The following HOXC13 variants were observed in gnomAD, a reference collection of about 807,000 sequenced individuals.
The protein encoded by HOXC13 is homeobox protein Hox-C13.
Under a neutral mutation model 25.9 loss-of-function variants are expected in HOXC13, and 10 were observed. That is an observed-to-expected ratio of 0.39 (90% CI 0.24 to 0.65). The LOEUF (loss-of-function observed/expected upper bound fraction) is 0.65. Ranked by LOEUF, HOXC13 falls within the 30% of genes least tolerant of loss-of-function variation. The pLI, the probability that HOXC13 is intolerant of heterozygous loss-of-function variation, is 0.50. For missense variants in HOXC13, 439 were observed against 478.3 expected (o/e 0.92, Z 0.77); for synonymous variants, 233 against 217.1 (o/e 1.07, Z -0.64).
rs746046390 is a variant in HOXC13, at chr12:53,939,374, G to A, written c.468G>A (p.Pro156=). 6.2e-7 allele frequency: 1 copy of A among 1,606,314 alleles called. No individual in the cohort carries two copies. The highest frequency in any genetic ancestry group is 8.5e-7 in the Non-Finnish European group (1 of 1,177,878). ...ACCCGGGCGATAAATACCCGGAGCC[G>A]TCGGGCGCCCTGCCCGGTGACGACC... ...AYHPGDKYPE[P]SGALPGDDLS... Residue 156 remains proline, a synonymous_variant, in exon 1 of 2, where the codon CCG becomes CCA. Transcript: ENST00000243056. This position sits in a 1 kb window ranked among gnomAD's most constrained non-coding sequence, Gnocchi z 6.7.
chr12:53,940,640 C>A lies in HOXC13; in HGVS notation c.736+998C>A, dbSNP rs555511843. ...AGTCCCAGGTTTCCCAAAACCACAC[C>A]AAGAGCTTTGGATCCTGCCTTGTGC... On this transcript the variant is annotated intron_variant, in intron 1 of 1. Coordinates refer to ENST00000243056, the MANE Select transcript of HOXC13 (RefSeq NM_017410.3). Among the ~76,000 whole-genome samples, 17 of 152,330 alleles carry A rather than the reference C, an allele frequency of 1.1e-4. No individual in the cohort carries two copies. In the South Asian group the frequency reaches 1.5e-3, roughly 13 times the overall value.
Position 53,939,642 on chromosome 12 carries a change from G to C in HOXC13, c.736G>C (p.Asp246His). ...CCACCTCTGGAAGTCTCCCTTCCCA[G>C]GTAAGGAAGGGACCCGAGCGCCGCC... ...SAHLWKSPFP[D>H]VVPLQPEVSS... The change falls in exon 1 of 2, where the codon GAC becomes CAC. Residue 246 changes from aspartate to histidine, a missense_variant and splice_region_variant. Physicochemically the swap from Asp to His is moderately conservative, Grantham distance 81. Transcript: ENST00000243056. The surrounding 1 kb of genome is among the most constrained non-coding windows in gnomAD (Gnocchi z 6.7). The C allele has an allele frequency of 6.8e-7, 1 of 1,467,386 alleles. No individual in the cohort carries two copies. The allele number at this position is 1,467,386 out of a possible 1,614,324, so 90.9% of individuals were successfully genotyped here.
intron 1 of HOXC13, among the ~76,000 whole-genome samples, chr12:53,942,188 T>G (rs1938622564): frequency 2.5e-5 from 2 of 79,174 alleles, no homozygotes; most frequent in Non-Finnish European, 2.4e-5. Context: ...TTTTTTTTTT[T>G]TTTGAGAGAG....
rs1371844957 is a variant in HOXC13 at position 53,939,011 on chromosome 12, A to AGGC, written c.112_114dup (p.Gly38dup). The AGGC allele has an allele frequency of 4.0e-6, 6 of 1,490,770 alleles. No homozygotes were observed. The highest frequency in any genetic ancestry group is 2.2e-5 in the Admixed American group (1 of 45,174). The allele number at this position is 1,490,770 out of a possible 1,614,324, so 92.3% of individuals were successfully genotyped here. A position where few individuals can be genotyped will look rare whatever the true frequency, so the allele number is the denominator to read the frequency against. ...GCATCGGCGGCGGCGGCGGAGGAGG[A>AGGC]GGCGGCGGCACGGGCGGAGCGGGGG... On this transcript the variant is annotated inframe_insertion, in exon 1 of 2. Coordinates refer to ENST00000243056, the MANE Select transcript of HOXC13 (RefSeq NM_017410.3). This position sits in a 1 kb window ranked among gnomAD's most constrained non-coding sequence, Gnocchi z 6.7.
In HOXC13 at chr12:53,941,423, A is replaced by C. The variant is rs760807197; in HGVS notation, c.736+1781A>C. ...TGGATTGGGGGCACAGGCCCAGAGCAATGTGCAATGGGTTTAGTGTGAAGA... is the reference window on the plus strand; with the variant it reads ...TGGATTGGGGGCACAGGCCCAGAGCCATGTGCAATGGGTTTAGTGTGAAGA... On this transcript the variant is annotated intron_variant, in intron 1 of 1. Coordinates refer to ENST00000243056, the MANE Select transcript of HOXC13 (RefSeq NM_017410.3). Among the ~76,000 whole-genome samples the C allele has an allele frequency of 4.6e-4, 70 of 152,250 alleles. 2 individuals are homozygous for C. The highest frequency in any genetic ancestry group is 6.5e-5 in the Admixed American group (1 of 15,290).
chr12:53,940,831 C>T (rs1938599895), intron 1 of HOXC13, among the ~76,000 whole-genome samples: 1 of 152,142 alleles, frequency 6.6e-6, no homozygotes, highest in African/African-American at 2.4e-5. Context: ...AGCTCCCCGA[C>T]CAGCTCCACG....
rs1433130662 is a variant in HOXC13, at chr12:53,946,500, A to C, written c.*1244A>C. The C allele has an allele frequency of 5.0e-6, 1 of 198,726 alleles. No homozygotes were observed. Among genetic ancestry groups the C allele is most frequent in the Middle Eastern group, 1.8e-3 (1 of 558 alleles). 12.3% of individuals were successfully genotyped at this position (198,726 alleles called of 1,614,324 possible). ...TGTACTGAATGCAAAAAGGAAAAAA[A>C]CCCACAAACATGTTTTTAAAATAAA... On this transcript the variant is annotated 3_prime_UTR_variant, in exon 2 of 2. Transcript: ENST00000243056.
Position 53,939,328 on chromosome 12 carries a change from A to G in HOXC13, c.422A>G (p.Gln141Arg). 1 of 1,596,132 alleles carries G rather than the reference A, an allele frequency of 6.3e-7. No homozygotes were observed. Among genetic ancestry groups the G allele is most frequent in the Non-Finnish European group, 8.5e-7 (1 of 1,172,626 alleles). Residue 141 changes from glutamine (Q) to arginine (R), a missense_variant, in exon 1 of 2, where the codon CAG becomes CGG. Gln to Arg is a conservative substitution (Grantham distance 43). Transcript: ENST00000243056. The surrounding 1 kb of genome is among the most constrained non-coding windows in gnomAD (Gnocchi z 6.7). The part of the protein sequence containing the change: ...GCRLSHNVNL[Q>R]QKPCAYHPGD... ...CGCCTGTCGCACAACGTGAACCTGC[A>G]GCAGAAGCCTTGCGCCTACCACCCG...
At chr12:53,941,029 A>G (rs1339417545) in intron 1 of HOXC13, among the ~76,000 whole-genome samples, 2 of 151,946 alleles carry the variant, frequency 1.3e-5, no homozygotes, top group Non-Finnish European at 2.9e-5. Context: ...GTATAACACA[A>G]CTCAATACCA....
rs142180150 is a variant in HOXC13, at chr12:53,943,069, C to T, written c.737-1931C>T. On this transcript the variant is annotated intron_variant, in intron 1 of 1. Transcript: ENST00000243056. Reference sequence around the variant, plus strand: ...CCAGGGAAAAGGAGGTGTTTTAAAGCTGGATTGTATTAGCTGGCCTATTTC... The same window carrying T: ...CCAGGGAAAAGGAGGTGTTTTAAAGTTGGATTGTATTAGCTGGCCTATTTC... Among the ~76,000 whole-genome samples, 1,432 of 152,310 alleles carry T rather than the reference C, an allele frequency of 9.4e-3. 22 individuals are homozygous for T. Among genetic ancestry groups the T allele is most frequent in the African/African-American group, 0.032 (1,344 of 41,564 alleles).
At chr12:53,940,775 G>C in intron 1 of HOXC13, among the ~76,000 whole-genome samples, 1 of 152,068 alleles carries the variant, frequency 6.6e-6, no homozygotes, top group East Asian at 1.9e-4. Flanking sequence ...GAGGTCTTTG[G>C]GGGTGGGGGG....
intron 1 of HOXC13, 124 bp from the exon 2 acceptor site, chr12:53,944,876 A>G: frequency 1.7e-6 from 2 of 1,192,304 alleles, no homozygotes; most frequent in Non-Finnish European, 2.4e-6. Context: ...GAGCTTCACT[A>G]TGCAGTGCAA....
Position 53,945,523 on chromosome 12 carries a change from A to G in HOXC13, c.*267A>G, listed in dbSNP as rs1253362433. 5.7e-6 allele frequency: 3 copies of G among 524,344 alleles called. No individual in the cohort carries two copies. The highest frequency in any genetic ancestry group is 6.4e-5 in the Admixed American group (2 of 31,308). 32.5% of individuals were successfully genotyped at this position (524,344 alleles called of 1,614,324 possible). A position where few individuals can be genotyped will look rare whatever the true frequency, so the allele number is the denominator to read the frequency against. ...GGGTCCCGAGTGGGCCGTGCGAGGAAGGCTGTCGACCTCTACTCCTCCTTG... is the reference window on the plus strand; with the variant it reads ...GGGTCCCGAGTGGGCCGTGCGAGGAGGGCTGTCGACCTCTACTCCTCCTTG... On this transcript the variant is annotated 3_prime_UTR_variant, in exon 2 of 2. Transcript: ENST00000243056. This position sits in a 1 kb window ranked among gnomAD's most constrained non-coding sequence, Gnocchi z 4.4.
chr12:53,940,612 A>T (rs55673008), intron 1 of HOXC13, among the ~76,000 whole-genome samples: 5,155 of 152,218 alleles, frequency 0.034, 309 homozygotes, highest in African/African-American at 0.12. Flanking sequence ...TGCGGACAAG[A>T]CCAGTCCCAG....
rs1166976076 is a variant in HOXC13, at chr12:53,939,071, G to A, written c.165G>A (p.Pro55=). 1 of 1,435,328 alleles carries A rather than the reference G, an allele frequency of 7.0e-7. No individual in the cohort carries two copies. Among genetic ancestry groups the A allele is most frequent in the South Asian group, 1.5e-5 (1 of 68,536 alleles). The allele number at this position is 1,435,328 out of a possible 1,614,324, so 88.9% of individuals were successfully genotyped here. Residue 55 remains proline (P), a synonymous_variant, in exon 1 of 2, where the codon CCG becomes CCA. Transcript: ENST00000243056. The surrounding 1 kb of genome is among the most constrained non-coding windows in gnomAD (Gnocchi z 6.7). ...GCGGAGCGAGCCCCGGCAAAGCCCC[G>A]AGCATGGATGGTCTGGGCAGCAGCT... ...GCSGASPGKA[P]SMDGLGSSCP... is the part of the protein sequence containing the mutation.
At chr12:53,944,364 C>G (rs1357053748) in intron 1 of HOXC13, among the ~76,000 whole-genome samples, 1 of 152,156 alleles carries the variant, frequency 6.6e-6, no homozygotes, top group Non-Finnish European at 1.5e-5. Flanking sequence ...TAACGTAGGG[C>G]CAGTGTCCAA....
At position 53,939,685 on chromosome 12, in the gene HOXC13, C is replaced by T; in HGVS notation, c.736+43C>T. ...GCGCCGCCGCCGCCGGGGACCCCTC[C>T]CCGCCCTGCCTGCCCCGGGGCTCCG... is the stretch of plus-strand genomic sequence containing the variant. On this transcript the variant is annotated intron_variant, in intron 1 of 1. Coordinates refer to ENST00000243056, the MANE Select transcript of HOXC13 (RefSeq NM_017410.3). The surrounding 1 kb of genome is among the most constrained non-coding windows in gnomAD (Gnocchi z 6.7). 1 of 1,317,818 alleles carries T rather than the reference C, an allele frequency of 7.6e-7. No individual in the cohort carries two copies. Among genetic ancestry groups the T allele is most frequent in the Non-Finnish European group, 9.7e-7 (1 of 1,031,992 alleles). 81.6% of individuals were successfully genotyped at this position (1,317,818 alleles called of 1,614,324 possible).
chr12:53,945,206 GAGA>G lies in HOXC13; in HGVS notation c.949_951del (p.Lys317del), dbSNP rs1267142064. On this transcript the variant is annotated inframe_deletion, in exon 2 of 2. Transcript: ENST00000243056. The surrounding 1 kb of genome is among the most constrained non-coding windows in gnomAD (Gnocchi z 4.4). Reference sequence around the variant, plus strand: ...CTGGTTCCAGAACCGGCGGGTCAAAGAGAAGAAGGTGGTCAGCAAATCGAAAGC... The same window carrying G: ...CTGGTTCCAGAACCGGCGGGTCAAAGAGAAGGTGGTCAGCAAATCGAAAGC... 2 of 1,614,202 alleles carry G rather than the reference GAGA, an allele frequency of 1.2e-6. No individual in the cohort carries two copies. The highest frequency in any genetic ancestry group is 1.7e-5 in the Admixed American group (1 of 60,026).
At chr12:53,941,896 C>G (rs940814482) in intron 1 of HOXC13, among the ~76,000 whole-genome samples, 2 of 152,184 alleles carry the variant, frequency 1.3e-5, no homozygotes, top group African/African-American at 4.8e-5. Flanking sequence ...AGTGAGATTT[C>G]AAGATAACTC....
Sources: gnomAD v4.1 joint callset for allele counts (sites outside exome capture counted in the v4.1 genomes callset) on GRCh38, gnomAD v4.1.1 for gene constraint, Gnocchi (gnomAD v3.1) non-coding constraint, MANE v1.5 for transcripts, NCBI Gene and HGNC (gene_info 2026-07-23, HGNC 2026-07-21) for gene names.